The following UACA variants were observed in gnomAD, a reference collection of about 807,000 sequenced individuals.
UACA encodes the protein nuclear membrane binding protein.
Under a neutral mutation model 160.5 loss-of-function variants are expected in UACA, and 112 were observed. The ratio of observed to expected loss-of-function variants is 0.70; its 90% CI spans 0.60 to 0.82. The LOEUF is 0.82. UACA is among the 40% of genes least tolerant of loss of function. The pLI is 0.00. For synonymous variants in UACA, 557 were observed against 568.4 expected, an observed-to-expected ratio of 0.98 and a Z score of 0.29; for missense variants, 1,574 against 1,614.6, an observed-to-expected ratio of 0.97 and a Z score of 0.43.
chr15:70,656,490 GGCATAAAA>G lies in UACA; in HGVS notation c.*558_*565del, dbSNP rs1444618777. On this transcript the variant is annotated 3_prime_UTR_variant, in exon 19 of 19. Transcript: ENST00000322954. ...TTATGAAAATAAATTTATTTTAAAA[GGCATAAAA>G]GTTATTAGTGTAAAAAGAAAAAATA... is the stretch of plus-strand genomic sequence containing the variant. 1.3e-5 allele frequency: 2 copies of G among 151,954 alleles called. No individual in the cohort carries two copies. Among genetic ancestry groups the G allele is most frequent in the Non-Finnish European group, 2.9e-5 (2 of 68,008 alleles). 9.4% of individuals were successfully genotyped at this position (151,954 alleles called of 1,614,324 possible). A position where few individuals can be genotyped will look rare whatever the true frequency, so the allele number is the denominator to read the frequency against.
chr15:70,747,241 G>GTTT (rs549683234), intron 1 of UACA, among the ~76,000 whole-genome samples: 59 of 119,224 alleles, frequency 4.9e-4, no homozygotes, highest in African/African-American at 1.3e-3. Flanking sequence ...TGTTTTTTGG[G>GTTT]TTTTTTTTTT....
intron 1 of UACA, among the ~76,000 whole-genome samples, chr15:70,713,977 T>C (rs1234061349): frequency 6.6e-6 from 1 of 152,110 alleles, no homozygotes; most frequent in African/African-American, 2.4e-5. Context: ...GAAAGTCTTC[T>C]CCAATGGGAA....
intron 1 of UACA, chr15:70,703,399 T>C: frequency 1.7e-6 from 1 of 598,174 alleles, no homozygotes; most frequent in South Asian, 2.0e-5. Context: ...TCCTACTAAA[T>C]TTACAACATT....
At chr15:70,763,258 G>A in intron 1 of UACA, 72 bp downstream of exon 1, 1 of 1,281,802 alleles carries the variant, frequency 7.8e-7, no homozygotes. Context: ...GGCGGCGCGC[G>A]AACTCGCCAG....
In UACA at chr15:70,747,241, GTTTT is replaced by G. The variant is rs549683234; in HGVS notation, c.78+16085_78+16088del. Among the ~76,000 whole-genome samples the G allele has an allele frequency of 5.5e-4, 65 of 119,236 alleles. 1 individual carries two copies. The highest frequency in any genetic ancestry group is 1.0e-3 in the Non-Finnish European group (58 of 57,946). 78.2% of individuals were successfully genotyped at this position (119,236 alleles called of 152,430 possible). On this transcript the variant is annotated intron_variant, in intron 1 of 18. Coordinates refer to ENST00000322954, the MANE Select transcript of UACA (RefSeq NM_018003.4). The stretch of plus-strand genomic sequence containing the variant: ...GAAACGAATGGTGTTTGTTTTTTGG[GTTTT>G]TTTTTTTTTTTTTTTTTTAGATGGA...
At chr15:70,768,411 A>G (rs1391231547), upstream of UACA, 3 of 152,194 alleles carry the variant, frequency 2.0e-5, no homozygotes, top group East Asian at 5.8e-4. Flanking sequence ...CAGGAACAAA[A>G]CTAGACTTCC....
intron 1 of UACA, among the ~76,000 whole-genome samples, chr15:70,744,186 T>C (rs1899625597): frequency 6.7e-6 from 1 of 149,184 alleles, no homozygotes; most frequent in South Asian, 2.1e-4. Flanking sequence ...GAGGCGGAGT[T>C]TGCAGTGAGT....
In UACA at chr15:70,763,452, A is replaced by C; in HGVS notation, c.-45T>G. ...CCCGCGCGAACCTTAAAGGCTGCGG[A>C]GTGCCAGCGCGCAAGGAGTAGACGG... On this transcript the variant is annotated 5_prime_UTR_variant, in exon 1 of 19. Transcript: ENST00000322954. 5 of 1,281,584 alleles carry C rather than the reference A, an allele frequency of 3.9e-6. No homozygotes were observed. Among genetic ancestry groups the C allele is most frequent in the Non-Finnish European group, 5.0e-6 (5 of 1,005,162 alleles). The allele number at this position is 1,281,584 out of a possible 1,614,324, so 79.4% of individuals were successfully genotyped here.
At chr15:70,690,944 T>C (rs1435772275) in intron 4 of UACA, among the ~76,000 whole-genome samples, 3 of 152,186 alleles carry the variant, frequency 2.0e-5, no homozygotes, top group South Asian at 4.1e-4. Flanking sequence ...AAAAATGTAA[T>C]AATATTATGT....
At chr15:70,695,174 G>T in intron 2 of UACA, 69 bp from the exon 3 acceptor site, 1 of 1,140,180 alleles carries the variant, frequency 8.8e-7, no homozygotes, top group Admixed American at 2.6e-5. Context: ...CTACATTAAT[G>T]TCACCCTTTT....
At position 70,667,906 on chromosome 15, in the gene UACA, T is replaced by C. The variant is rs1215364258; in HGVS notation, c.2778A>G (p.Ala926=). 6.2e-7 allele frequency: 1 copy of C among 1,613,958 alleles called. No homozygotes were observed. The highest frequency in any genetic ancestry group is 1.3e-5 in the African/African-American group (1 of 74,942). Residue 926 remains alanine, a synonymous_variant, in exon 16 of 19, where the codon GCA becomes GCG. Transcript: ENST00000322954. ...NQIKAEYISL[A]EHEAKMSSLS... is the part of the protein sequence containing the mutation. ...GCGAGCTCATCTTTGCCTCGTGCTC[T>C]GCCAGGCTGATGTACTCAGCTTTTA... is the stretch of plus-strand genomic sequence containing the variant.
chr15:70,744,179 G>A (rs1226021991), intron 1 of UACA, among the ~76,000 whole-genome samples: 1 of 151,068 alleles, frequency 6.6e-6, no homozygotes, highest in African/African-American at 2.4e-5. Context: ...AACCCGGGAG[G>A]CGGAGTTTGC....
intron 1 of UACA, among the ~76,000 whole-genome samples, chr15:70,735,698 G>A (rs1437096437): frequency 6.6e-6 from 1 of 152,082 alleles, no homozygotes; most frequent in Non-Finnish European, 1.5e-5. Context: ...TTGTTTTTGA[G>A]ACAGGGTCTT....
chr15:70,746,154 A>G (rs2141006935), intron 1 of UACA, among the ~76,000 whole-genome samples: 1 of 152,334 alleles, frequency 6.6e-6, no homozygotes, highest in East Asian at 1.9e-4. Flanking sequence ...TAAACTAAAG[A>G]GCTTCTACAC....
intron 17 of UACA, among the ~76,000 whole-genome samples, chr15:70,664,331 A>G (rs1219480890): frequency 6.6e-6 from 1 of 152,148 alleles, no homozygotes. Flanking sequence ...CCAGGTTTAT[A>G]CCCCAGCTGA....
chr15:70,668,123 ATCTTCT>A lies in UACA; in HGVS notation c.2555_2560del (p.Lys852_Lys853del). The A allele has an allele frequency of 6.2e-7, 1 of 1,613,710 alleles. No individual in the cohort carries two copies. The highest frequency in any genetic ancestry group is 8.5e-7 in the Non-Finnish European group (1 of 1,179,940). On this transcript the variant is annotated inframe_deletion, in exon 16 of 19. Transcript: ENST00000322954. Reference sequence around the variant, plus strand: ...AACTGGCACATACTGATTACTCATCATCTTCTTCAAGTTAGTGTTTTCAGATGTGAG... The same window carrying A: ...AACTGGCACATACTGATTACTCATCATCAAGTTAGTGTTTTCAGATGTGAG...
intron 1 of UACA, among the ~76,000 whole-genome samples, chr15:70,746,828 T>C (rs1266991349): frequency 6.6e-6 from 1 of 152,130 alleles, no homozygotes; most frequent in Non-Finnish European, 1.5e-5. Flanking sequence ...TTCATGTCCT[T>C]CACAGGGACA....
Position 70,667,161 on chromosome 15 carries a change from C to T in UACA, c.3523G>A (p.Ala1175Thr), listed in dbSNP as rs1896943975. ...ATGATTCCAACTTCTTTCTCAAATGCTTCTTTAATCTGCAAATGCTCTGCC... is the reference window on the plus strand; with the variant it reads ...ATGATTCCAACTTCTTTCTCAAATGTTTCTTTAATCTGCAAATGCTCTGCC... ...PLAEHLQIKE[A>T]FEKEVGIIKA... Residue 1175 changes from alanine to threonine, a missense_variant, in exon 16 of 19, where the codon GCA (alanine) becomes ACA (threonine). Physicochemically the swap from Ala to Thr is moderately conservative, Grantham distance 58. Transcript: ENST00000322954. 6.2e-6 allele frequency: 10 copies of T among 1,613,748 alleles called. No individual in the cohort carries two copies. The highest frequency in any genetic ancestry group is 1.1e-5 in the South Asian group (1 of 91,054).
the UACA span, among the ~76,000 whole-genome samples, chr15:70,768,674 A>G: frequency 6.6e-6 from 1 of 152,200 alleles, no homozygotes; most frequent in South Asian, 2.1e-4. Context: ...ATCAGTAACC[A>G]TCTGACTCCA....
Sources: allele counts gnomAD v4.1 joint callset (sites outside exome capture counted in the v4.1 genomes callset), GRCh38; gene constraint gnomAD v4.1.1; transcripts MANE v1.5; gene names NCBI Gene and HGNC (gene_info 2026-07-23, HGNC 2026-07-21).